The following PPEF1 variants were observed in gnomAD, a reference collection of about 807,000 sequenced individuals.
The protein encoded by PPEF1 is serine/threonine-protein phosphatase with EF-hands 1.
PPEF1 carries 12 observed loss-of-function variants against 53.3 expected under a neutral mutation model. The observed-to-expected ratio is 0.23, with a 90% CI of 0.14 to 0.36. The LOEUF is 0.36. Among genes scored for constraint, PPEF1 ranks in the 10% least tolerant of loss-of-function variants. The pLI is 1.00. For synonymous variants in PPEF1, 165 were observed against 176.7 expected (o/e 0.93, Z 0.52); for missense variants, 334 against 490.4 (o/e 0.68, Z 3.01).
chrX:18,681,297 T>C (rs1259801862), upstream of PPEF1, among the ~76,000 whole-genome samples: 1 of 111,912 alleles, frequency 8.9e-6, no homozygotes, highest in African/African-American at 3.3e-5. Flanking sequence ...AATTTCTACA[T>C]ATTTACTAAT....
intron 10 of PPEF1, among the ~76,000 whole-genome samples, chrX:18,794,268 C>G (rs762044424): frequency 2.2e-4 from 25 of 111,883 alleles, no homozygotes; most frequent in African/African-American, 7.8e-4. Context: ...GGTACTGTTA[C>G]TACTAGTATC....
chrX:18,741,489 T>C (rs781052497), intron 3 of PPEF1, among the ~76,000 whole-genome samples: 1 of 112,023 alleles, frequency 8.9e-6, no homozygotes, highest in South Asian at 3.7e-4. Context: ...TTAATCTTCT[T>C]ATAGAAGCTT....
At chrX:18,747,334 T>A (rs1269348114) in intron 3 of PPEF1, among the ~76,000 whole-genome samples, 1 of 111,737 alleles carries the variant, frequency 8.9e-6, no homozygotes, top group African/African-American at 3.3e-5. Flanking sequence ...CTCTGAGGAT[T>A]TGGAAGGGAG....
At chrX:18,711,090 G>GTA (rs34861524) in intron 1 of PPEF1, among the ~76,000 whole-genome samples, 33,893 of 99,904 alleles carry the variant, frequency 0.34, 4,936 homozygotes, top group East Asian at 0.62. Context: ...GTGTGTGTGT[G>GTA]TGTATATATA....
At chrX:18,746,042 A>G (rs2045323182) in intron 3 of PPEF1, among the ~76,000 whole-genome samples, 2 of 111,921 alleles carry the variant, frequency 1.8e-5, no homozygotes, top group Non-Finnish European at 3.8e-5. Context: ...TGTACTGGGT[A>G]AAAGAAAAGA....
upstream of PPEF1, among the ~76,000 whole-genome samples, chrX:18,707,373 C>T (rs1477395920): frequency 8.9e-6 from 1 of 112,058 alleles, no homozygotes; most frequent in Non-Finnish European, 1.9e-5. Context: ...TCTCATATTT[C>T]GATTTTTCTT....
At chrX:18,707,034 G>A (rs2044216712), upstream of PPEF1, among the ~76,000 whole-genome samples, 1 of 108,287 alleles carries the variant, frequency 9.2e-6, no homozygotes, top group Admixed American at 9.9e-5. Context: ...TCACCATGTT[G>A]GCCAGGCTGG....
At chrX:18,769,066 G>C (rs1289844753) in intron 6 of PPEF1, among the ~76,000 whole-genome samples, 2 of 111,983 alleles carry the variant, frequency 1.8e-5, no homozygotes, top group Non-Finnish European at 3.8e-5. Context: ...TTCATTGATT[G>C]TTTTGAGATT....
At chrX:18,813,311 G>A (rs113466022) in intron 12 of PPEF1, among the ~76,000 whole-genome samples, 9 of 105,682 alleles carry the variant, frequency 8.5e-5, no homozygotes, top group Non-Finnish European at 1.6e-4. Flanking sequence ...CCCGGGAGGC[G>A]GAGGTTGCAG....
At chrX:18,752,837 T>G (rs1037919231) in intron 4 of PPEF1, among the ~76,000 whole-genome samples, 6 of 111,025 alleles carry the variant, frequency 5.4e-5, no homozygotes, top group African/African-American at 2.0e-4. Context: ...AACTTTGTAT[T>G]TCTGGGATAA....
chrX:18,799,053 T>C (rs1449348980), intron 10 of PPEF1, among the ~76,000 whole-genome samples: 1 of 111,082 alleles, frequency 9.0e-6, no homozygotes, highest in East Asian at 2.9e-4. Flanking sequence ...CTGACCATCG[T>C]GGTGAAACCC....
At chrX:18,695,545 G>T (rs1569241232) in intron 4 of PPEF1, among the ~76,000 whole-genome samples, 1 of 111,922 alleles carries the variant, frequency 8.9e-6, no homozygotes, top group Non-Finnish European at 1.9e-5. Context: ...TTCTGTCCAG[G>T]TTTTATAGCT....
chrX:18,735,010 T>C (rs1325172047), intron 3 of PPEF1, among the ~76,000 whole-genome samples: 1 of 112,332 alleles, frequency 8.9e-6, no homozygotes, highest in Admixed American at 9.5e-5. Context: ...TTAAGTTCTT[T>C]GTAGATTCTG....
intron 2 of PPEF1, among the ~76,000 whole-genome samples, chrX:18,730,994 C>T (rs1055091571): frequency 2.7e-5 from 3 of 111,789 alleles, no homozygotes; most frequent in Admixed American, 9.5e-5. Context: ...GAATTACAGG[C>T]GTGAGCCACC....
At chrX:18,758,671 T>C (rs982111453) in intron 5 of PPEF1, among the ~76,000 whole-genome samples, 3 of 110,989 alleles carry the variant, frequency 2.7e-5, no homozygotes, top group African/African-American at 9.9e-5. Context: ...GGGTCTTTTA[T>C]TCAAGGCCTC....
intron 3 of PPEF1, chrX:18,686,262 G>C (rs1929072189): frequency 9.0e-6 from 1 of 111,055 alleles, no homozygotes; most frequent in African/African-American, 3.3e-5. Flanking sequence ...TAAGGATGGA[G>C]GGCTCCGGCT....
At chrX:18,738,483 C>T (rs2045050495) in intron 3 of PPEF1, among the ~76,000 whole-genome samples, 1 of 112,015 alleles carries the variant, frequency 8.9e-6, no homozygotes, top group South Asian at 3.7e-4. Context: ...AGAGTTTCTG[C>T]CGAGAGATCC....
At chrX:18,762,314 T>C (rs983115170) in intron 6 of PPEF1, among the ~76,000 whole-genome samples, 2 of 112,024 alleles carry the variant, frequency 1.8e-5, no homozygotes, top group Non-Finnish European at 3.8e-5. Flanking sequence ...TTTTGATTAA[T>C]GCATTTATTG....
intron 8 of PPEF1, among the ~76,000 whole-genome samples, chrX:18,783,127 AAAG>A (rs1296786659): frequency 9.4e-6 from 1 of 105,944 alleles, no homozygotes; most frequent in African/African-American, 3.4e-5. Context: ...AAAAAAAAAA[AAAG>A]AAGGCAGAGG....
Sources: allele counts gnomAD v4.1 joint callset (sites outside exome capture counted in the v4.1 genomes callset), GRCh38; gene constraint gnomAD v4.1.1; transcripts MANE v1.5; gene names NCBI Gene and HGNC (gene_info 2026-07-23, HGNC 2026-07-21).